ANXA4: variants seen among roughly 807,000 people sequenced by gnomAD.
The protein encoded by ANXA4 is 35-beta calcimedin.
A neutral mutation model predicts 49.8 loss-of-function variants in ANXA4; 39 were observed. The ratio of observed to expected loss-of-function variants is 0.78; its 90% CI spans 0.61 to 1.02. ANXA4 has a LOEUF of 1.02. Ranked by LOEUF, ANXA4 falls within the 50% of genes least tolerant of loss-of-function variation. ANXA4 has a pLI of 0.00. For synonymous variants in ANXA4, 134 were observed against 152.5 expected, an observed-to-expected ratio of 0.88 and a Z score of 0.89; for missense variants, 360 against 410.1, an observed-to-expected ratio of 0.88 and a Z score of 1.05.
intron 1 of ANXA4, among the ~76,000 whole-genome samples, chr2:69,760,258 C>G (rs1573208663): frequency 6.6e-6 from 1 of 152,088 alleles, no homozygotes; most frequent in African/African-American, 2.4e-5. Context: ...TGAAACCAAA[C>G]AGTAGTGAAA....
chr2:69,775,677 T>G (rs1671933086), intron 1 of ANXA4, among the ~76,000 whole-genome samples: 1 of 152,204 alleles, frequency 6.6e-6, no homozygotes, highest in Admixed American at 6.5e-5. Context: ...TAGGAGAGGC[T>G]TTTCTAGCAC....
chr2:69,805,995 G>A (rs1219241464), intron 4 of ANXA4, among the ~76,000 whole-genome samples: 1 of 152,148 alleles, frequency 6.6e-6, no homozygotes, highest in South Asian at 2.1e-4. Flanking sequence ...TTTACATTTT[G>A]CAGATCTCTT....
intron 3 of ANXA4, among the ~76,000 whole-genome samples, chr2:69,789,641 CA>C (rs1672587413): frequency 6.6e-6 from 1 of 152,010 alleles, no homozygotes; most frequent in Admixed American, 6.6e-5. Context: ...GTAAAATTGT[CA>C]GGGTTTTTAT....
chr2:69,711,556 G>A (rs1441242948), intron 2 of ANXA4, among the ~76,000 whole-genome samples: 2 of 152,182 alleles, frequency 1.3e-5, no homozygotes, highest in African/African-American at 4.8e-5. Flanking sequence ...TTTTTGGAAT[G>A]AAGGAAATGT....
At chr2:69,689,117 A>G (rs1327638270) in intron 2 of ANXA4, among the ~76,000 whole-genome samples, 1 of 151,646 alleles carries the variant, frequency 6.6e-6, no homozygotes, top group East Asian at 1.9e-4. Flanking sequence ...TTGGAGACAG[A>G]GTTTCACTTT....
At position 69,656,333 on chromosome 2, in the gene ANXA4, GTGTA is replaced by G. The variant is rs1385302170; in HGVS notation, n.766+3053_766+3056del. ...TATATGTATATATATGTATATATAT[GTGTA>G]TATATATGTGTATATATGTGTATAT... On this transcript the variant is annotated intron_variant and non_coding_transcript_variant, in intron 2 of 3. Transcript: ENST00000418066. 1.4e-3 allele frequency among the ~76,000 whole-genome samples: 132 copies of G among 91,436 alleles called. 16 individuals are homozygous for G. Among genetic ancestry groups the G allele is most frequent in the East Asian group, 0.014 (20 of 1,446 alleles). 60.0% of individuals were successfully genotyped at this position (91,436 alleles called of 152,430 possible). A position where few individuals can be genotyped will look rare whatever the true frequency, so the allele number is the denominator to read the frequency against.
chr2:69,689,664 A>G (rs946419458), intron 2 of ANXA4, among the ~76,000 whole-genome samples: 2 of 152,210 alleles, frequency 1.3e-5, no homozygotes, highest in African/African-American at 4.8e-5. Flanking sequence ...AGTCACTTGA[A>G]GTAGTTCCTT....
rs1231059317 is a variant in ANXA4, at chr2:69,657,866, G to C, written n.766+4584G>C. On this transcript the variant is annotated intron_variant and non_coding_transcript_variant, in intron 2 of 3. Transcript: ENST00000418066. Reference sequence around the variant, plus strand: ...GATGAATGGGGATTTAAAAATTTTTGTTCACTAATTCTATCAATTCCATGC... The same window carrying C: ...GATGAATGGGGATTTAAAAATTTTTCTTCACTAATTCTATCAATTCCATGC... Among the ~76,000 whole-genome samples the C allele has an allele frequency of 2.0e-5, 3 of 152,050 alleles. No individual in the cohort carries two copies. In the East Asian group the frequency reaches 5.8e-4, roughly 29 times the overall value.
intron 1 of ANXA4, among the ~76,000 whole-genome samples, chr2:69,647,534 G>A (rs543211855): frequency 1.1e-4 from 16 of 151,526 alleles, no homozygotes; most frequent in African/African-American, 2.4e-4. Flanking sequence ...TCAGCCTCCC[G>A]AGTAGCGGGG....
At chr2:69,654,599 A>G (rs960433515) in intron 2 of ANXA4, among the ~76,000 whole-genome samples, 10 of 152,170 alleles carry the variant, frequency 6.6e-5, no homozygotes, top group African/African-American at 2.4e-4. Context: ...ATTGACTTGC[A>G]TATGTTGAAC....
chr2:69,661,769 A>G (rs1042064484), intron 2 of ANXA4, among the ~76,000 whole-genome samples: 2 of 151,852 alleles, frequency 1.3e-5, no homozygotes, highest in Non-Finnish European at 2.9e-5. Context: ...TTTGCACTGG[A>G]TACGTCTGAA....
chr2:69,732,784 A>G lies in ANXA4; in HGVS notation n.864+11913A>G, dbSNP rs199834417. On this transcript the variant is annotated intron_variant and non_coding_transcript_variant, in intron 3 of 3. Transcript: ENST00000418066. ...AAAAAAAGAAAAAAAAAAGATTACT[A>G]CAGTGCCAAAAGCGGACCTTAGTCA... Among the ~76,000 whole-genome samples, 5 of 152,120 alleles carry G rather than the reference A, an allele frequency of 3.3e-5. No homozygotes were observed. In the East Asian group the frequency reaches 9.6e-4, roughly 29 times the overall value.
At chr2:69,718,451 A>T (rs1437756606) in intron 2 of ANXA4, among the ~76,000 whole-genome samples, 1 of 152,224 alleles carries the variant, frequency 6.6e-6, no homozygotes, top group African/African-American at 2.4e-5. Context: ...TCTCAAGTAG[A>T]TACTATTTCA....
intron 1 of ANXA4, among the ~76,000 whole-genome samples, chr2:69,747,588 G>T (rs11694473): frequency 6.6e-6 from 1 of 152,044 alleles, no homozygotes; most frequent in Non-Finnish European, 1.5e-5. Context: ...AACATTTTTC[G>T]TACAATTTCA....
intron 2 of ANXA4, among the ~76,000 whole-genome samples, chr2:69,691,520 GC>G (rs1438648144): frequency 6.6e-6 from 1 of 151,660 alleles, no homozygotes; most frequent in Non-Finnish European, 1.5e-5. Context: ...AAAATGATAG[GC>G]TCAGAGTTAA....
chr2:69,649,603 CT>C (rs766975640), intron 1 of ANXA4, among the ~76,000 whole-genome samples: 725 of 70,648 alleles, frequency 0.01, 4 homozygotes, highest in African/African-American at 0.039. Context: ...GATTTTCTTT[CT>C]TTTTTTTTTT....
intron 1 of ANXA4, among the ~76,000 whole-genome samples, chr2:69,747,702 C>T (rs1368312550): frequency 1.3e-5 from 2 of 152,072 alleles, no homozygotes; most frequent in East Asian, 1.9e-4. Context: ...TTTTAATTTT[C>T]AGAAAGGGGG....
At chr2:69,655,349 A>C (rs116379474) in intron 2 of ANXA4, among the ~76,000 whole-genome samples, 10,852 of 152,198 alleles carry the variant, frequency 0.071, 1,129 homozygotes, top group East Asian at 0.37. Flanking sequence ...CAGACAACCC[A>C]ATCAAAAAGT....
At chr2:69,791,352 A>G (rs561326578) in intron 3 of ANXA4, among the ~76,000 whole-genome samples, 5 of 152,362 alleles carry the variant, frequency 3.3e-5, no homozygotes, top group Admixed American at 3.3e-4. Flanking sequence ...TGGTAAAACA[A>G]CCAGTTTTTC....
Sources: gnomAD v4.1 joint callset for allele counts (sites outside exome capture counted in the v4.1 genomes callset) on GRCh38, gnomAD v4.1.1 for gene constraint, MANE v1.5 for transcripts, NCBI Gene and HGNC (gene_info 2026-07-23, HGNC 2026-07-21) for gene names.